CALCR: variants seen among roughly 807,000 people sequenced by gnomAD.
CALCR encodes calcitonin receptor.
CALCR carries 47 observed loss-of-function variants against 59.5 expected under a neutral mutation model. That is an observed-to-expected ratio of 0.79 (90% CI 0.63 to 1.01). The LOEUF is 1.01. Ranked by LOEUF, CALCR falls within the 50% of genes least tolerant of loss-of-function variation. CALCR has a pLI of 0.00. For synonymous variants in CALCR, 213 were observed against 211.3 expected (o/e 1.01, Z -0.07); for missense variants, 566 against 597.1 (o/e 0.95, Z 0.54).
intron 2 of CALCR, among the ~76,000 whole-genome samples, chr7:93,560,481 T>C (rs970022166): frequency 2.6e-5 from 4 of 152,156 alleles, no homozygotes; most frequent in African/African-American, 9.7e-5. Context: ...CCCCTTAAAC[T>C]GGTGACCTTC....
chr7:93,513,961 C>G (rs572057873), intron 2 of CALCR, among the ~76,000 whole-genome samples: 6 of 152,074 alleles, frequency 3.9e-5, no homozygotes, highest in African/African-American at 1.4e-4. Flanking sequence ...TGCTCCTTTT[C>G]TCATTCAGCA....
At chr7:93,456,482 T>C (rs1204139645) in intron 8 of CALCR, among the ~76,000 whole-genome samples, 1 of 151,654 alleles carries the variant, frequency 6.6e-6, no homozygotes, top group African/African-American at 2.4e-5. Flanking sequence ...CCAAACCCCA[T>C]ATGTGTGGTT....
At position 93,482,901 on chromosome 7, in the gene CALCR, G is replaced by A. The variant is rs778509886; in HGVS notation, c.52-3394C>T. On this transcript the variant is annotated intron_variant, in intron 3 of 13. Transcript: ENST00000426151. ...AGATGAGCAGTAATAATCTGCATCAGTTCCTGGTCTGGTTCATATTTGAGC... is the reference window on the plus strand; with the variant it reads ...AGATGAGCAGTAATAATCTGCATCAATTCCTGGTCTGGTTCATATTTGAGC... The A allele has an allele frequency of 5.7e-6, 3 of 528,374 alleles. No individual in the cohort carries two copies. The Admixed American group carries it at 5.9e-5, about 10-fold the overall frequency. The allele number at this position is 528,374 out of a possible 1,614,324, so 32.7% of individuals were successfully genotyped here.
intron 13 of CALCR, among the ~76,000 whole-genome samples, chr7:93,428,523 G>A (rs1385907720): frequency 6.6e-6 from 1 of 152,168 alleles, no homozygotes; most frequent in Non-Finnish European, 1.5e-5. Context: ...CTGATAGGCC[G>A]GTCGTGGTGG....
At chr7:93,530,672 G>C (rs943263543) in intron 2 of CALCR, among the ~76,000 whole-genome samples, 1 of 152,074 alleles carries the variant, frequency 6.6e-6, no homozygotes, top group African/African-American at 2.4e-5. Flanking sequence ...TCCATGAAAA[G>C]AACTTTCAAG....
chr7:93,521,677 C>T (rs1408298796), intron 2 of CALCR, among the ~76,000 whole-genome samples: 1 of 152,016 alleles, frequency 6.6e-6, no homozygotes, highest in East Asian at 1.9e-4. Flanking sequence ...TAATTCATTG[C>T]TAGGGACTCT....
At chr7:93,444,200 G>A (rs545848319) in intron 8 of CALCR, among the ~76,000 whole-genome samples, 88 of 152,198 alleles carry the variant, frequency 5.8e-4, no homozygotes, top group African/African-American at 2.0e-3. Flanking sequence ...CAGTAAAGAG[G>A]AGAGAGTCAG....
At chr7:93,542,671 A>G (rs1194504353) in intron 2 of CALCR, among the ~76,000 whole-genome samples, 3 of 151,876 alleles carry the variant, frequency 2.0e-5, no homozygotes, top group Admixed American at 2.0e-4. Context: ...AACAGCTTAA[A>G]ACACAAATTG....
rs568708672 is a variant in CALCR at position 93,560,561 on chromosome 7, T to G, written c.-27+13728A>C. On this transcript the variant is annotated intron_variant, in intron 2 of 13. Transcript: ENST00000426151. ...CATCTGAAAATCTTTACAATTTTAA[T>G]TTATACTATTTGTTCTAATACAACT... 1.2e-4 allele frequency among the ~76,000 whole-genome samples: 19 copies of G among 152,254 alleles called. 1 individual carries two copies. In the South Asian group the frequency reaches 3.3e-3, roughly 27 times the overall value.
intron 2 of CALCR, among the ~76,000 whole-genome samples, chr7:93,542,908 GTCTCTGGAATACT>G (rs1449446450): frequency 6.6e-6 from 1 of 151,460 alleles, no homozygotes; most frequent in Non-Finnish European, 1.5e-5. Context: ...TAACAATGTT[GTCTCTGGAATACT>G]TCCTGAAGGA....
intron 13 of CALCR, among the ~76,000 whole-genome samples, chr7:93,434,044 T>C (rs1001564717): frequency 2.0e-5 from 3 of 152,234 alleles, no homozygotes; most frequent in Non-Finnish European, 4.4e-5. Flanking sequence ...GGAAATTAAC[T>C]GCCTGTCTGA....
At chr7:93,524,219 G>T (rs1159547377) in intron 2 of CALCR, among the ~76,000 whole-genome samples, 1 of 150,186 alleles carries the variant, frequency 6.7e-6, no homozygotes, top group Non-Finnish European at 1.5e-5. Flanking sequence ...GCCCAGGCTG[G>T]AGTGCAGTGG....
intron 3 of CALCR, among the ~76,000 whole-genome samples, chr7:93,481,133 C>T (rs918382741): frequency 1.3e-5 from 2 of 151,744 alleles, no homozygotes; most frequent in Non-Finnish European, 2.9e-5. Context: ...TGAGGATGAA[C>T]AAGACAATAA....
chr7:93,569,862 G>A (rs1022252316), intron 2 of CALCR, among the ~76,000 whole-genome samples: 2 of 151,940 alleles, frequency 1.3e-5, no homozygotes, highest in Non-Finnish European at 2.9e-5. Flanking sequence ...AGGGCAGGGA[G>A]TGAGACTAGG....
chr7:93,486,215 C>T (rs980803740), intron 3 of CALCR, among the ~76,000 whole-genome samples: 5 of 151,716 alleles, frequency 3.3e-5, no homozygotes, highest in Admixed American at 2.6e-4. Flanking sequence ...GTAAAATTTA[C>T]TCATCTCCCA....
intron 2 of CALCR, among the ~76,000 whole-genome samples, chr7:93,524,472 G>GT (rs1221701826): frequency 2.6e-5 from 4 of 151,982 alleles, no homozygotes; most frequent in Non-Finnish European, 2.9e-5. Flanking sequence ...GCCCAGCCTG[G>GT]TTTTTTTAAA....
intron 6 of CALCR, among the ~76,000 whole-genome samples, chr7:93,470,965 C>T (rs1278466406): frequency 1.4e-5 from 2 of 144,730 alleles, no homozygotes; most frequent in Non-Finnish European, 3.0e-5. Flanking sequence ...GTGATGTTCC[C>T]CTTCCTGTGT....
chr7:93,457,980 G>A (rs896280437), intron 8 of CALCR, among the ~76,000 whole-genome samples: 8 of 152,008 alleles, frequency 5.3e-5, no homozygotes, highest in African/African-American at 1.4e-4. Context: ...ACCGAGCCTC[G>A]GTTTCCCCAG....
rs1584572890 is a variant in CALCR at position 93,483,423 on chromosome 7, A to AGAT, written c.51+3505_51+3507dup. On this transcript the variant is annotated intron_variant, in intron 3 of 13. Transcript: ENST00000426151. The stretch of plus-strand genomic sequence containing the variant: ...GGGCTGACTGTATAGATAGATAGAT[A>AGAT]GATAGATAGATAGATAGATAGATAG... 3.8e-5 allele frequency among the ~76,000 whole-genome samples: 5 copies of AGAT among 133,092 alleles called. No individual in the cohort carries two copies. The South Asian group carries it at 9.0e-4, about 24-fold the overall frequency. The allele number at this position is 133,092 out of a possible 152,430, so 87.3% of individuals were successfully genotyped here. A position where few individuals can be genotyped will look rare whatever the true frequency, so the allele number is the denominator to read the frequency against.
Sources: allele counts gnomAD v4.1 joint callset (sites outside exome capture counted in the v4.1 genomes callset), GRCh38; gene constraint gnomAD v4.1.1; transcripts MANE v1.5; gene names NCBI Gene and HGNC (gene_info 2026-07-23, HGNC 2026-07-21).